PANK2: variants seen among roughly 807,000 people sequenced by gnomAD.
The protein encoded by PANK2 is pantothenate kinase 2, mitochondrial.
PANK2 carries 36 observed loss-of-function variants against 43.1 expected under a neutral mutation model. The ratio of observed to expected loss-of-function variants is 0.84; its 90% CI spans 0.64 to 1.10. The LOEUF (loss-of-function observed/expected upper bound fraction) is 1.10. Among genes scored for constraint, PANK2 ranks in the 50% least tolerant of loss-of-function variants. PANK2 has a pLI of 0.00. For synonymous variants in PANK2, 281 were observed against 238.2 expected (o/e 1.18, Z -1.66); for missense variants, 576 against 593.3 (o/e 0.97, Z 0.30).
intron 4 of PANK2, among the ~76,000 whole-genome samples, chr20:3,913,092 T>C (rs1196829718): frequency 2.0e-5 from 3 of 152,150 alleles, no homozygotes; most frequent in African/African-American, 7.2e-5. Flanking sequence ...ACCATCACTG[T>C]AATCCCAATT....
chr20:3,889,355 C>T, upstream of PANK2: 2 of 1,581,648 alleles, frequency 1.3e-6, no homozygotes, highest in South Asian at 1.1e-5. Flanking sequence ...GTTGGCGCAA[C>T]GGAAGAGGCG....
In PANK2 at chr20:3,889,456, G is replaced by T. The variant is rs766622211; in HGVS notation, c.26G>T (p.Arg9Leu). ...CTGGGGGGCTTGCTCGGGCGGCAGC[G>T]ACTGCTGCTGCGGATGGGAGGGGGC... Residue 9 changes from arginine to leucine, a missense_variant, in exon 1 of 7, where the codon CGA becomes CTA. Physicochemically the swap from Arg to Leu is moderately radical, Grantham distance 102. Transcript: ENST00000610179. 9.7e-6 allele frequency: 15 copies of T among 1,546,540 alleles called. No individual in the cohort carries two copies. Among genetic ancestry groups the T allele is most frequent in the East Asian group, 2.4e-5 (1 of 42,216 alleles).
At position 3,920,833 on chromosome 20, in the gene PANK2, G is replaced by A. The variant is rs938286990; in HGVS notation, c.1332+2037G>A. Among the ~76,000 whole-genome samples, 10 of 152,304 alleles carry A rather than the reference G, an allele frequency of 6.6e-5. No homozygotes were observed. The South Asian group carries it at 1.2e-3, about 19-fold the overall frequency. Reference sequence around the variant, plus strand: ...GCACTCCAGCCTGGGCAACAAGAGCGAAACTCCATCTCAAAACAAAAAACA... The same window carrying A: ...GCACTCCAGCCTGGGCAACAAGAGCAAAACTCCATCTCAAAACAAAAAACA... On this transcript the variant is annotated intron_variant, in intron 6 of 6. Transcript: ENST00000610179.
Position 3,910,740 on chromosome 20 carries a change from C to T in PANK2, c.815C>T (p.Pro272Leu), listed in dbSNP as rs368002284. The change falls in exon 3 of 7, where the codon CCG (proline) becomes CTG (leucine). Residue 272 changes from proline (P) to leucine (L), a missense_variant. This residue lies in a region of PANK2 where 544 missense variants were observed against 528.9 expected (regional missense o/e 1.03). Transcript: ENST00000610179. ...AAGTTACCATTTGATTTGAAAAATC[C>T]GTATCCTCTGCTTCTGGTGAACATT... 140 of 1,613,972 alleles carry T rather than the reference C, an allele frequency of 8.7e-5. 1 individual carries two copies. Among genetic ancestry groups the T allele is most frequent in the South Asian group, 1.3e-4 (12 of 91,082 alleles).
intron 3 of PANK2, 28 bp downstream of exon 3, chr20:3,910,858 A>G: frequency 6.2e-7 from 1 of 1,613,480 alleles, no homozygotes; most frequent in South Asian, 1.1e-5. Context: ...CTCACTGTTT[A>G]TTCTTAGTAT....
At chr20:3,920,852 A>G (rs2090635240) in intron 6 of PANK2, among the ~76,000 whole-genome samples, 1 of 152,216 alleles carries the variant, frequency 6.6e-6, no homozygotes. Context: ...TCTCAAAACA[A>G]AAAACAAAAC....
intron 1 of PANK2, among the ~76,000 whole-genome samples, chr20:3,892,383 C>G (rs1000394601): frequency 1.3e-5 from 2 of 151,670 alleles, no homozygotes; most frequent in African/African-American, 2.4e-5. Context: ...TGTTGACTGC[C>G]GAACCCTCCT....
intron 1 of PANK2, among the ~76,000 whole-genome samples, chr20:3,904,091 C>T (rs1334533977): frequency 6.6e-6 from 1 of 151,900 alleles, no homozygotes; most frequent in African/African-American, 2.4e-5. Flanking sequence ...CCACTGTGCC[C>T]GGCCAGTTTG....
intron 1 of PANK2, among the ~76,000 whole-genome samples, chr20:3,894,860 GGTAC>G (rs2090179701): frequency 6.6e-6 from 1 of 152,164 alleles, no homozygotes; most frequent in Non-Finnish European, 1.5e-5. Flanking sequence ...TGTGTAAAAT[GGTAC>G]AGTATATTAC....
chr20:3,927,676 A>G lies in PANK2; in HGVS notation c.*4382A>G, dbSNP rs902106492. Reference sequence around the variant, plus strand: ...TCTAGGAAGACCAGCTGTCACCAGAAGGGAGTTCCTAACACTTGCCACACC... The same window carrying G: ...TCTAGGAAGACCAGCTGTCACCAGAGGGGAGTTCCTAACACTTGCCACACC... On this transcript the variant is annotated 3_prime_UTR_variant, in exon 7 of 7. Transcript: ENST00000610179. 1 of 152,244 alleles carries G rather than the reference A, an allele frequency of 6.6e-6. No individual in the cohort carries two copies. The highest frequency in any genetic ancestry group is 2.4e-5 in the African/African-American group (1 of 41,462). 9.4% of individuals were successfully genotyped at this position (152,244 alleles called of 1,614,324 possible). A position where few individuals can be genotyped will look rare whatever the true frequency, so the allele number is the denominator to read the frequency against.
intron 2 of PANK2, among the ~76,000 whole-genome samples, chr20:3,909,770 C>G (rs920289667): frequency 2.7e-5 from 4 of 149,100 alleles, no homozygotes; most frequent in Admixed American, 6.7e-5. Context: ...TTTTTTTTAT[C>G]TTTAGTAGAG....
At chr20:3,888,978 A>ATCTC, upstream of PANK2, 4 of 756,072 alleles carry the variant, frequency 5.3e-6, no homozygotes, top group Admixed American at 5.9e-5. Context: ...GCTGGGCTGG[A>ATCTC]GGAGGGCTCG....
chr20:3,888,973 G>A (rs983070710), upstream of PANK2: 5 of 722,110 alleles, frequency 6.9e-6, no homozygotes, highest in Non-Finnish European at 1.1e-5. Flanking sequence ...GCACTGCTGG[G>A]CTGGAGGAGG....
chr20:3,892,952 G>T (rs913235265), intron 1 of PANK2, among the ~76,000 whole-genome samples: 5 of 152,066 alleles, frequency 3.3e-5, no homozygotes, highest in Non-Finnish European at 7.4e-5. Flanking sequence ...GGGGAGGGGG[G>T]TATGTCTCGC....
rs1351820008 is a variant in PANK2 at position 3,913,929 on chromosome 20, C to G, written c.1082+1295C>G. Among the ~76,000 whole-genome samples, 13 of 151,860 alleles carry G rather than the reference C, an allele frequency of 8.6e-5. No homozygotes were observed. The East Asian group carries it at 2.5e-3, about 29-fold the overall frequency. On this transcript the variant is annotated intron_variant, in intron 4 of 6. Coordinates refer to ENST00000610179, the MANE Select transcript of PANK2 (RefSeq NM_001386393.1). Reference sequence around the variant, plus strand: ...TCAGCCTTCCAAGTAGCTGGGACTACAGGTGCCTGCCACCACGCCCGGCTA... The same window carrying G: ...TCAGCCTTCCAAGTAGCTGGGACTAGAGGTGCCTGCCACCACGCCCGGCTA...
At chr20:3,902,924 G>T (rs1246063560) in intron 1 of PANK2, among the ~76,000 whole-genome samples, 2 of 149,890 alleles carry the variant, frequency 1.3e-5, no homozygotes, top group Admixed American at 1.3e-4. Flanking sequence ...ACAATAAACT[G>T]CATCCATTTA....
In PANK2 at chr20:3,912,538, CT is replaced by C. The variant is rs544616523; in HGVS notation, c.987del (p.Arg330ValfsTer10). On this transcript the variant is annotated frameshift_variant, in exon 4 of 7. Transcript: ENST00000610179. LOFTEE classifies it high-confidence loss of function. ...TTTGAAGAAGCTCTTGAAATGGCATCTCGTGGAGATAGCACCAAAGTGGATA... is the reference window on the plus strand; with the variant it reads ...TTTGAAGAAGCTCTTGAAATGGCATCCGTGGAGATAGCACCAAAGTGGATA... The C allele has an allele frequency of 5.6e-6, 9 of 1,614,032 alleles. No homozygotes were observed. Among genetic ancestry groups the C allele is most frequent in the Non-Finnish European group, 7.6e-6 (9 of 1,180,040 alleles).
rs916652525 is a variant in PANK2, at chr20:3,921,049, ATTATT to A, written c.1333-2182_1333-2178del. 2.4e-3 allele frequency among the ~76,000 whole-genome samples: 358 copies of A among 151,938 alleles called. 3 individuals carry two copies. Among genetic ancestry groups the A allele is most frequent in the African/African-American group, 7.9e-3 (329 of 41,412 alleles). ...TCTCTGCCCTTGTGGAACTTTGATGATTATTTTATTTTATTTTTTTATTTAAGTTC... is the reference window on the plus strand; with the variant it reads ...TCTCTGCCCTTGTGGAACTTTGATGATTATTTTATTTTTTTATTTAAGTTC... On this transcript the variant is annotated intron_variant, in intron 6 of 6. Transcript: ENST00000610179.
At position 3,913,991 on chromosome 20, in the gene PANK2, A is replaced by T. The variant is rs12480548; in HGVS notation, c.1082+1357A>T. 6.1e-3 allele frequency among the ~76,000 whole-genome samples: 925 copies of T among 151,264 alleles called. 1 individual carries two copies. The highest frequency in any genetic ancestry group is 7.4e-3 in the Non-Finnish European group (500 of 67,798). ...TTTTTAGCAGAGATGGGGTTTCACT[A>T]TGTTGGCCAGGATGGTCTCGATCTG... On this transcript the variant is annotated intron_variant, in intron 4 of 6. Coordinates refer to ENST00000610179, the MANE Select transcript of PANK2 (RefSeq NM_001386393.1).
Sources: gnomAD v4.1 joint callset for allele counts (sites outside exome capture counted in the v4.1 genomes callset) on GRCh38, gnomAD v4.1.1 for gene constraint, gnomAD v4.1.1 regional missense constraint, MANE v1.5 for transcripts, NCBI Gene and HGNC (gene_info 2026-07-23, HGNC 2026-07-21) for gene names.